The following SLC39A11 variants were observed in gnomAD, a reference collection of about 807,000 sequenced individuals.
SLC39A11 encodes zinc transporter ZIP11.
A neutral mutation model predicts 36.1 loss-of-function variants in SLC39A11; 33 were observed. That is an observed-to-expected ratio of 0.91 (90% CI 0.69 to 1.22). The LOEUF (loss-of-function observed/expected upper bound fraction) is 1.22, where lower values mean the gene tolerates loss of function less well. Ranked by LOEUF, SLC39A11 falls within the 50% of genes most tolerant of loss-of-function variation. The pLI, the probability that SLC39A11 is intolerant of heterozygous loss-of-function variation, is 0.00. For missense variants in SLC39A11, 432 were observed against 430.3 expected (o/e 1.00, Z -0.03); for synonymous variants, 166 against 170.3 (o/e 0.97, Z 0.20).
Position 72,648,893 on chromosome 17 carries a change from G to C in SLC39A11, c.839C>G (p.Ala280Gly), listed in dbSNP as rs61736066. Residue 280 changes from alanine (A) to glycine (G), a missense_variant, in exon 9 of 10, where the codon GCT (alanine) becomes GGT (glycine). Coordinates refer to ENST00000255559, the MANE Select transcript of SLC39A11 (RefSeq NM_139177.4). Reference sequence around the variant, plus strand: ...CAGAGCGTAGGGCAGGATGGGCTCAGCCAGCACCACGGCAAAGGCACCAAA... The same window carrying C: ...CAGAGCGTAGGGCAGGATGGGCTCACCCAGCACCACGGCAAAGGCACCAAA... ...GVFGAFAVVL[A>G]EPILPYALAF... 1 of 1,613,956 alleles carries C rather than the reference G, an allele frequency of 6.2e-7. No homozygotes were observed. Among genetic ancestry groups the C allele is most frequent in the Admixed American group, 1.7e-5 (1 of 59,968 alleles).
chr17:72,805,609 C>T (rs2077223600), intron 6 of SLC39A11, among the ~76,000 whole-genome samples: 1 of 152,224 alleles, frequency 6.6e-6, no homozygotes, highest in Non-Finnish European at 1.5e-5. Flanking sequence ...GTTTCTGCTT[C>T]CTTCCGTCCA....
chr17:73,039,715 ACGC>A (rs1311413394), intron 3 of SLC39A11, among the ~76,000 whole-genome samples: 3 of 152,224 alleles, frequency 2.0e-5, no homozygotes, highest in Non-Finnish European at 4.4e-5. Flanking sequence ...AAAAGGGCCA[ACGC>A]AGAATTTTCG....
chr17:72,906,394 A>C (rs977310252), intron 5 of SLC39A11, among the ~76,000 whole-genome samples: 1 of 152,252 alleles, frequency 6.6e-6, no homozygotes, highest in Admixed American at 6.5e-5. Context: ...GTGCCTTTGC[A>C]GGCAGTGTTT....
chr17:72,732,189 G>C (rs2074259919), intron 7 of SLC39A11, among the ~76,000 whole-genome samples: 1 of 151,202 alleles, frequency 6.6e-6, no homozygotes, highest in Non-Finnish European at 1.5e-5. Context: ...GCTAATTTTT[G>C]TATTTTTAGT....
chr17:73,046,994 G>A (rs573820600), intron 3 of SLC39A11, among the ~76,000 whole-genome samples: 14 of 151,520 alleles, frequency 9.2e-5, no homozygotes, highest in African/African-American at 3.4e-4. Flanking sequence ...CTAGTAGAAA[G>A]AAGAACCACC....
intron 4 of SLC39A11, among the ~76,000 whole-genome samples, chr17:73,015,207 G>A (rs1462867463): frequency 6.6e-6 from 1 of 152,054 alleles, no homozygotes; most frequent in Non-Finnish European, 1.5e-5. Flanking sequence ...CTTCTGCACG[G>A]TTCCTTCTTC....
chr17:73,071,174 C>A (rs1376691328), intron 3 of SLC39A11, among the ~76,000 whole-genome samples: 1 of 152,176 alleles, frequency 6.6e-6, no homozygotes, highest in Non-Finnish European at 1.5e-5. Flanking sequence ...AGTGAACCAT[C>A]AAGGACATGA....
intron 4 of SLC39A11, among the ~76,000 whole-genome samples, chr17:72,974,481 G>GA (rs2087701326): frequency 7.0e-6 from 1 of 143,114 alleles, no homozygotes; most frequent in South Asian, 2.3e-4. Context: ...TTTTTTAATA[G>GA]AAAAAAGCTT....
chr17:73,074,208 C>T (rs1184791643), intron 3 of SLC39A11, among the ~76,000 whole-genome samples: 2 of 152,028 alleles, frequency 1.3e-5, no homozygotes, highest in Non-Finnish European at 2.9e-5. Flanking sequence ...ACTGCTCCCT[C>T]CCCTGGACTT....
At chr17:72,677,397 G>A (rs1480649877) in intron 7 of SLC39A11, among the ~76,000 whole-genome samples, 4 of 152,190 alleles carry the variant, frequency 2.6e-5, no homozygotes, top group African/African-American at 7.2e-5. Flanking sequence ...GCCAACATCT[G>A]GTCAGATGCC....
At chr17:72,827,520 T>G (rs931750773) in intron 6 of SLC39A11, among the ~76,000 whole-genome samples, 2 of 152,198 alleles carry the variant, frequency 1.3e-5, no homozygotes, top group African/African-American at 4.8e-5. Flanking sequence ...ATAAAGCTGT[T>G]ATTAAAAGAA....
chr17:72,997,056 C>A (rs1019111353), intron 4 of SLC39A11, among the ~76,000 whole-genome samples: 4 of 152,132 alleles, frequency 2.6e-5, no homozygotes. Context: ...CCCAGCTGAT[C>A]CACAGATGCA....
At chr17:72,761,916 T>C (rs534893084) in intron 6 of SLC39A11, among the ~76,000 whole-genome samples, 14 of 152,340 alleles carry the variant, frequency 9.2e-5, no homozygotes, top group African/African-American at 3.4e-4. Context: ...ACAGGGAATC[T>C]ACTGCTGATC....
intron 2 of SLC39A11, among the ~76,000 whole-genome samples, 186 bp from the exon 3 acceptor site, chr17:73,085,032 C>A (rs1162254808): frequency 6.6e-6 from 1 of 152,188 alleles, no homozygotes; most frequent in African/African-American, 2.4e-5. Context: ...TAACTTTCCA[C>A]CCACCCCATA....
intron 4 of SLC39A11, among the ~76,000 whole-genome samples, chr17:72,963,883 A>T (rs2086794574): frequency 6.6e-6 from 1 of 152,152 alleles, no homozygotes; most frequent in Non-Finnish European, 1.5e-5. Flanking sequence ...AACAGTTTTA[A>T]TTTCTTCTCA....
chr17:72,981,138 T>C (rs1296420511), intron 4 of SLC39A11, among the ~76,000 whole-genome samples: 5 of 152,200 alleles, frequency 3.3e-5, no homozygotes, highest in Non-Finnish European at 5.9e-5. Flanking sequence ...TATTTTATTT[T>C]ATCCAAATAT....
At chr17:72,811,682 T>C (rs1179037320) in intron 6 of SLC39A11, among the ~76,000 whole-genome samples, 1 of 152,242 alleles carries the variant, frequency 6.6e-6, no homozygotes, top group East Asian at 1.9e-4. Flanking sequence ...TATATTATCT[T>C]TCAGGTTCAT....
At position 73,019,153 on chromosome 17, in the gene SLC39A11, C is replaced by A. The variant is rs139813611; in HGVS notation, c.306+12403G>T. Among the ~76,000 whole-genome samples, 540 of 152,270 alleles carry A rather than the reference C, an allele frequency of 3.5e-3. 6 individuals carry two copies. Among genetic ancestry groups the A allele is most frequent in the African/African-American group, 0.012 (492 of 41,564 alleles). ...AAATAAAAGCTAAGAGAATTTGTCA[C>A]TAGCAGGCCTAAGCTATAATGAATA... On this transcript the variant is annotated intron_variant, in intron 4 of 9. Transcript: ENST00000255559.
intron 7 of SLC39A11, among the ~76,000 whole-genome samples, chr17:72,713,905 A>C (rs116940489): frequency 3.3e-5 from 5 of 152,310 alleles, no homozygotes; most frequent in Non-Finnish European, 7.4e-5. Flanking sequence ...ACAGATTTTA[A>C]AAAAGCAAAC....
Sources: gnomAD v4.1 joint callset for allele counts (sites outside exome capture counted in the v4.1 genomes callset) on GRCh38, gnomAD v4.1.1 for gene constraint, MANE v1.5 for transcripts, NCBI Gene and HGNC (gene_info 2026-07-23, HGNC 2026-07-21) for gene names.